JAM3: variants seen among roughly 807,000 people sequenced by gnomAD.
JAM3 encodes junctional adhesion molecule 3, also known as junctional adhesion molecule C.
JAM3 carries 31 observed loss-of-function variants against 39.4 expected under a neutral mutation model. The observed-to-expected ratio is 0.79, with a 90% CI of 0.59 to 1.06. The LOEUF (loss-of-function observed/expected upper bound fraction) is 1.06. JAM3 is among the 50% of genes least tolerant of loss of function. The probability of loss-of-function intolerance (pLI) is 0.00; values close to 1 mark genes in which losing one functional copy is unlikely to be tolerated. For missense variants in JAM3, 455 were observed against 391.4 expected, an observed-to-expected ratio of 1.16 and a Z score of -1.37; for synonymous variants, 182 against 148.7, an observed-to-expected ratio of 1.22 and a Z score of -1.63.
chr11:134,144,897 G>A lies in JAM3; in HGVS notation c.515G>A (p.Ser172Asn), dbSNP rs1943043139. 3.1e-6 allele frequency: 5 copies of A among 1,614,184 alleles called. No homozygotes were observed. Among genetic ancestry groups the A allele is most frequent in the Non-Finnish European group, 4.2e-6 (5 of 1,179,990 alleles). Residue 172 changes from serine (S) to asparagine (N), a missense_variant, in exon 5 of 9, where the codon AGC becomes AAC. Transcript: ENST00000299106. ...ESEGHPRPHY[S>N]WYRNDVPLPT... is the part of the protein sequence containing the mutation. The stretch of plus-strand genomic sequence containing the variant: ...GAGGGCCACCCCCGGCCTCACTACA[G>A]CTGGTATCGCAATGATGTACCACTG...
chr11:134,121,010 A>T (rs531170400), intron 1 of JAM3, among the ~76,000 whole-genome samples: 1 of 152,170 alleles, frequency 6.6e-6, no homozygotes, highest in Non-Finnish European at 1.5e-5. Flanking sequence ...CTGTGCACCA[A>T]CCGCAGATGC....
intron 1 of JAM3, among the ~76,000 whole-genome samples, chr11:134,109,441 G>A (rs1022271356): frequency 2.0e-5 from 3 of 152,150 alleles, no homozygotes; most frequent in African/African-American, 2.4e-5. Context: ...AAATATAACT[G>A]TTGCCTGGTT....
intron 1 of JAM3, among the ~76,000 whole-genome samples, chr11:134,129,119 GTTC>G (rs1377215637): frequency 5.2e-5 from 7 of 135,732 alleles, no homozygotes; most frequent in South Asian, 2.3e-4. Context: ...ATCTCTTCAA[GTTC>G]TTTTTTTTTT....
chr11:134,077,049 G>T (rs188518670), intron 1 of JAM3, among the ~76,000 whole-genome samples: 1 of 152,112 alleles, frequency 6.6e-6, no homozygotes, highest in African/African-American at 2.4e-5. Flanking sequence ...TGGCCAGGCT[G>T]GTCTCGAACT....
At chr11:134,108,269 A>G (rs545755203) in intron 1 of JAM3, among the ~76,000 whole-genome samples, 1 of 152,202 alleles carries the variant, frequency 6.6e-6, no homozygotes, top group Admixed American at 6.5e-5. Context: ...CCTAACATCT[A>G]CTTTTTAAAA....
chr11:134,137,726 AGTGGTGGCGTCTCGTC>A (rs1414009508), intron 1 of JAM3, among the ~76,000 whole-genome samples: 651 of 144,222 alleles, frequency 4.5e-3, no homozygotes, highest in African/African-American at 0.01. Context: ...CCTTAGAGCC[AGTGGTGGCGTCTCGTC>A]AAAGTCGTGG....
intron 1 of JAM3, among the ~76,000 whole-genome samples, chr11:134,077,489 G>A (rs144785936): frequency 0.022 from 3,325 of 150,446 alleles, 127 homozygotes; most frequent in African/African-American, 0.077. Context: ...TCAGCCTCCC[G>A]AGTAGCTGGG....
intron 1 of JAM3, among the ~76,000 whole-genome samples, chr11:134,116,934 G>T (rs1420763126): frequency 6.6e-6 from 1 of 151,900 alleles, no homozygotes; most frequent in East Asian, 1.9e-4. Flanking sequence ...GAGAAACTTG[G>T]CTGTCATTAC....
At chr11:134,144,729 G>A (rs1284960006) in intron 4 of JAM3, 63 bp from the exon 5 acceptor site, 1 of 1,424,900 alleles carries the variant, frequency 7.0e-7, no homozygotes, top group African/African-American at 1.4e-5. Flanking sequence ...GATTTCTTCT[G>A]GGCTTTAATA....
intron 1 of JAM3, among the ~76,000 whole-genome samples, chr11:134,101,795 A>C (rs1331608121): frequency 1.3e-5 from 2 of 152,282 alleles, no homozygotes; most frequent in South Asian, 2.1e-4. Context: ...TAACTCATTT[A>C]TAAGCTCATG....
At chr11:134,137,670 T>G (rs879324387) in intron 1 of JAM3, among the ~76,000 whole-genome samples, 45 of 125,814 alleles carry the variant, frequency 3.6e-4, no homozygotes, top group East Asian at 9.7e-4. Context: ...GTGTCTCGTC[T>G]AAGTCGTGGT....
intron 1 of JAM3, among the ~76,000 whole-genome samples, chr11:134,124,713 G>C (rs1591796358): frequency 6.6e-6 from 1 of 151,964 alleles, no homozygotes; most frequent in African/African-American, 2.4e-5. Flanking sequence ...AAATATGCTT[G>C]CAATTAAAAA....
rs145933405 is a variant in JAM3, at chr11:134,070,242, C to A, written c.76+1083C>A. The A allele has an allele frequency of 2.0e-3, 895 of 456,222 alleles. 7 individuals carry two copies. Among genetic ancestry groups the A allele is most frequent in the African/African-American group, 0.016 (816 of 50,172 alleles). The allele number at this position is 456,222 out of a possible 1,614,324, so 28.3% of individuals were successfully genotyped here. A position where few individuals can be genotyped will look rare whatever the true frequency, so the allele number is the denominator to read the frequency against. ...GCCTCAACTTCATATTTACCTAAAG[C>A]AGGACACCACACTCTTCCCCTGGCA... On this transcript the variant is annotated intron_variant, in intron 1 of 8. Coordinates refer to ENST00000299106, the MANE Select transcript of JAM3 (RefSeq NM_032801.5).
At chr11:134,110,750 TATTGTG>T (rs1942292972) in intron 1 of JAM3, among the ~76,000 whole-genome samples, 3 of 152,188 alleles carry the variant, frequency 2.0e-5, no homozygotes, top group Admixed American at 1.3e-4. Context: ...ATATGTTCGC[TATTGTG>T]GTTGTGGTGG....
rs180807915 is a variant in JAM3, at chr11:134,150,198, C to T, written c.*1017C>T. Reference sequence around the variant, plus strand: ...AAGGGAACTCATACTGTCTACACATCAGACCATAGTTGCTTAGGAAACCTT... The same window carrying T: ...AAGGGAACTCATACTGTCTACACATTAGACCATAGTTGCTTAGGAAACCTT... On this transcript the variant is annotated 3_prime_UTR_variant, in exon 9 of 9. Coordinates refer to ENST00000299106, the MANE Select transcript of JAM3 (RefSeq NM_032801.5). The T allele has an allele frequency of 6.6e-6, 1 of 152,584 alleles. No individual in the cohort carries two copies. Among genetic ancestry groups the T allele is most frequent in the East Asian group, 1.9e-4 (1 of 5,180 alleles). 9.5% of individuals were successfully genotyped at this position (152,584 alleles called of 1,614,324 possible).
rs1237094101 is a variant in JAM3, at chr11:134,077,432, C to T, written c.76+8273C>T. On this transcript the variant is annotated intron_variant, in intron 1 of 8. Coordinates refer to ENST00000299106, the MANE Select transcript of JAM3 (RefSeq NM_032801.5). Reference sequence around the variant, plus strand: ...AGGCTGGAGTGCAATGGCGTGATCTCGGCTCACTGCAACCTCCGCCTCCTG... The same window carrying T: ...AGGCTGGAGTGCAATGGCGTGATCTTGGCTCACTGCAACCTCCGCCTCCTG... 2.7e-5 allele frequency among the ~76,000 whole-genome samples: 4 copies of T among 149,876 alleles called. No homozygotes were observed. The South Asian group carries it at 6.4e-4, about 24-fold the overall frequency.
intron 1 of JAM3, among the ~76,000 whole-genome samples, chr11:134,096,447 G>A (rs1365625389): frequency 6.6e-6 from 1 of 152,182 alleles, no homozygotes; most frequent in Non-Finnish European, 1.5e-5. Context: ...GCAAGGGCTT[G>A]TATGTTCTTT....
intron 1 of JAM3, among the ~76,000 whole-genome samples, chr11:134,074,230 T>G (rs1428032105): frequency 6.6e-6 from 1 of 152,188 alleles, no homozygotes; most frequent in Non-Finnish European, 1.5e-5. Flanking sequence ...AGCAAATTGT[T>G]TTCTGCTTTT....
At chr11:134,074,864 C>G (rs981223475) in intron 1 of JAM3, among the ~76,000 whole-genome samples, 2 of 152,114 alleles carry the variant, frequency 1.3e-5, no homozygotes, top group Admixed American at 6.5e-5. Flanking sequence ...CCCATCACTT[C>G]TTCCTGCCCA....
Sources: allele counts gnomAD v4.1 joint callset (sites outside exome capture counted in the v4.1 genomes callset), GRCh38; gene constraint gnomAD v4.1.1; transcripts MANE v1.5; gene names NCBI Gene and HGNC (gene_info 2026-07-23, HGNC 2026-07-21).